The following SLC26A11 variants were observed in gnomAD, a reference collection of about 807,000 sequenced individuals.
SLC26A11 encodes sodium-independent sulfate anion transporter.
A neutral mutation model predicts 62.2 loss-of-function variants in SLC26A11; 58 were observed. The ratio of observed to expected loss-of-function variants is 0.93; its 90% CI spans 0.76 to 1.16. SLC26A11 has a LOEUF of 1.16. Ranked by LOEUF, SLC26A11 falls within the 50% of genes most tolerant of loss-of-function variation. SLC26A11 has a pLI of 0.00. For missense variants in SLC26A11, 790 were observed against 794.3 expected, an observed-to-expected ratio of 0.99 and a Z score of 0.06; for synonymous variants, 411 against 368.9, an observed-to-expected ratio of 1.11 and a Z score of -1.31.
chr17:80,247,480 T>A (rs1344710852), intron 13 of SLC26A11, among the ~76,000 whole-genome samples: 1 of 152,202 alleles, frequency 6.6e-6, no homozygotes, highest in Non-Finnish European at 1.5e-5. Context: ...ACACATTTTG[T>A]TTTGTTTGTG....
rs372051284 is a variant in SLC26A11, at chr17:80,248,547, C to T, written c.1423-28C>T. ...CTGGTGGAGGCCACCCGGTCAGACC[C>T]GCCTCCAGGACTCACTCCTCCCCAC... On this transcript the variant is annotated intron_variant, in intron 14 of 17. Transcript: ENST00000361193. 24 of 1,547,866 alleles carry T rather than the reference C, an allele frequency of 1.6e-5. No individual in the cohort carries two copies. The African/African-American group carries it at 1.8e-4, about 11-fold the overall frequency.
chr17:80,250,980 T>C (rs2043140723), intron 16 of SLC26A11, among the ~76,000 whole-genome samples: 5 of 150,602 alleles, frequency 3.3e-5, no homozygotes, highest in Admixed American at 2.6e-4. Flanking sequence ...ATCAAAAAAA[T>C]AGGAAAAAAT....
intron 5 of SLC26A11, among the ~76,000 whole-genome samples, chr17:80,224,852 G>T (rs2042361829): frequency 6.6e-6 from 1 of 151,992 alleles, no homozygotes; most frequent in African/African-American, 2.4e-5. Context: ...GCAGCCATCT[G>T]GGGGGAGGGG....
Position 80,252,487 on chromosome 17 carries a change from A to C in SLC26A11, c.1730-138A>C, listed in dbSNP as rs74000684. ...GTGAGACCCTCATGGAGTTAGTGAC[A>C]CTGGCCTGGGTGGCCCACAGCTCCT... On this transcript the variant is annotated intron_variant, in intron 17 of 17. Coordinates refer to ENST00000361193, the MANE Select transcript of SLC26A11 (RefSeq NM_001166347.2). The surrounding 1 kb of genome is among the most constrained non-coding windows in gnomAD (Gnocchi z 5.2). The C allele has an allele frequency of 9.3e-6, 6 of 646,068 alleles. No homozygotes were observed. The highest frequency in any genetic ancestry group is 6.1e-5 in the Admixed American group (2 of 32,622). 40.0% of individuals were successfully genotyped at this position (646,068 alleles called of 1,614,324 possible).
intron 10 of SLC26A11, among the ~76,000 whole-genome samples, chr17:80,243,183 A>G (rs557129666): frequency 3.3e-5 from 5 of 152,246 alleles, no homozygotes; most frequent in Admixed American, 2.6e-4. Context: ...CTTGACAGCA[A>G]AGTGAGTGAC....
intron 11 of SLC26A11, 192 bp downstream of exon 11, chr17:80,245,448 G>A: frequency 3.4e-6 from 2 of 589,292 alleles, no homozygotes; most frequent in Non-Finnish European, 6.1e-6. Flanking sequence ...AGATCGTCCT[G>A]CAGTTTCATA....
Position 80,246,292 on chromosome 17 carries a change from G to T in SLC26A11, c.1153+83G>T. On this transcript the variant is annotated intron_variant, in intron 12 of 17. Coordinates refer to ENST00000361193, the MANE Select transcript of SLC26A11 (RefSeq NM_001166347.2). This position sits in a 1 kb window ranked among gnomAD's most constrained non-coding sequence, Gnocchi z 4.4. ...AGGGGGCCCACAGAGACGTCCCTTT[G>T]GCTCATGGGCCGTGCGCCCCGGGAC... The T allele has an allele frequency of 6.6e-7, 1 of 1,522,378 alleles. No individual in the cohort carries two copies. Among genetic ancestry groups the T allele is most frequent in the South Asian group, 1.2e-5 (1 of 80,612 alleles). 94.3% of individuals were successfully genotyped at this position (1,522,378 alleles called of 1,614,324 possible).
In SLC26A11 at chr17:80,222,268, T is replaced by C; in HGVS notation, c.235-387T>C. 5.2e-6 allele frequency: 1 copy of C among 191,132 alleles called. No individual in the cohort carries two copies. Among genetic ancestry groups the C allele is most frequent in the South Asian group, 1.4e-4 (1 of 7,138 alleles). 11.8% of individuals were successfully genotyped at this position (191,132 alleles called of 1,614,324 possible). A position where few individuals can be genotyped will look rare whatever the true frequency, so the allele number is the denominator to read the frequency against. On this transcript the variant is annotated intron_variant, in intron 3 of 17. Coordinates refer to ENST00000361193, the MANE Select transcript of SLC26A11 (RefSeq NM_001166347.2). This position sits in a 1 kb window ranked among gnomAD's most constrained non-coding sequence, Gnocchi z 4.7. ...GCGGGTGCCTGTAGTCCCAGCTACC[T>C]GGGAGGCTGAGGCAGGAGAATGGCG...
At chr17:80,247,075 ATTTTTATTTT>A (rs1479034957) in intron 13 of SLC26A11, among the ~76,000 whole-genome samples, 1 of 146,974 alleles carries the variant, frequency 6.8e-6, no homozygotes, top group Non-Finnish European at 1.5e-5. Context: ...TTTTATTATT[ATTTTTATTTT>A]TTTTTATTGA....
intron 10 of SLC26A11, among the ~76,000 whole-genome samples, chr17:80,243,957 G>A (rs2144959468): frequency 1.3e-5 from 2 of 152,324 alleles, no homozygotes; most frequent in Middle Eastern, 6.8e-3. Flanking sequence ...TGTAGAATGA[G>A]GATGATCCCC....
intron 9 of SLC26A11, among the ~76,000 whole-genome samples, 156 bp downstream of exon 9, chr17:80,237,750 T>C (rs1374141340): frequency 6.6e-6 from 1 of 152,276 alleles, no homozygotes; most frequent in Non-Finnish European, 1.5e-5. Context: ...GTATTGTGTA[T>C]ATATGATAAA....
At position 80,245,885 on chromosome 17, in the gene SLC26A11, C is replaced by T. The variant is rs976880643; in HGVS notation, c.1098-269C>T. The stretch of plus-strand genomic sequence containing the variant: ...CCCTTGCCCTGCTGGGTATGGGGGC[C>T]CCACCTGGATGGGGGCAGGAGACAG... On this transcript the variant is annotated intron_variant, in intron 11 of 17. Coordinates refer to ENST00000361193, the MANE Select transcript of SLC26A11 (RefSeq NM_001166347.2). 5.3e-5 allele frequency among the ~76,000 whole-genome samples: 8 copies of T among 152,178 alleles called. No individual in the cohort carries two copies. The East Asian group carries it at 1.5e-3, about 29-fold the overall frequency.
Position 80,227,581 on chromosome 17 carries a change from C to G in SLC26A11, c.594-237C>G, listed in dbSNP as rs149121606. On this transcript the variant is annotated intron_variant, in intron 6 of 17. Coordinates refer to ENST00000361193, the MANE Select transcript of SLC26A11 (RefSeq NM_001166347.2). ...CATCTCAGCCTAGTCTGTGTTTGGT[C>G]TTGCAGAGTAGCTTGCTAAAGTTCC... Among the ~76,000 whole-genome samples the G allele has an allele frequency of 3.3e-5, 5 of 152,376 alleles. No homozygotes were observed. In the East Asian group the frequency reaches 5.8e-4, roughly 18 times the overall value.
At position 80,228,293 on chromosome 17, in the gene SLC26A11, C is replaced by T. The variant is rs1011965023; in HGVS notation, c.736+333C>T. On this transcript the variant is annotated intron_variant, in intron 7 of 17. Coordinates refer to ENST00000361193, the MANE Select transcript of SLC26A11 (RefSeq NM_001166347.2). This position sits in a 1 kb window ranked among gnomAD's most constrained non-coding sequence, Gnocchi z 4.1. The stretch of plus-strand genomic sequence containing the variant: ...GATTACAGGCGCATGCCACCACGCT[C>T]GACTGATTTTTGTATTTATAGTAGA... 2.6e-5 allele frequency among the ~76,000 whole-genome samples: 4 copies of T among 152,154 alleles called. No individual in the cohort carries two copies. The highest frequency in any genetic ancestry group is 2.1e-4 in the South Asian group (1 of 4,816).
At chr17:80,236,065 G>A (rs1394795529) in intron 7 of SLC26A11, among the ~76,000 whole-genome samples, 1 of 152,132 alleles carries the variant, frequency 6.6e-6, no homozygotes. Flanking sequence ...GCCAACCCCA[G>A]GCCTTGGGCT....
Position 80,223,790 on chromosome 17 carries a change from A to AT in SLC26A11, c.513+459dup, listed in dbSNP as rs1170972605. Reference sequence around the variant, plus strand: ...CTTTTTTTTCTGGTTTCTGTTTAATATTTTTTAAATGCCATGCCTTTTATA... The same window carrying AT: ...CTTTTTTTTCTGGTTTCTGTTTAATATTTTTTTAAATGCCATGCCTTTTATA... On this transcript the variant is annotated intron_variant, in intron 5 of 17. Coordinates refer to ENST00000361193, the MANE Select transcript of SLC26A11 (RefSeq NM_001166347.2). The surrounding 1 kb of genome is among the most constrained non-coding windows in gnomAD (Gnocchi z 4.6). Among the ~76,000 whole-genome samples the AT allele has an allele frequency of 5.3e-5, 8 of 152,124 alleles. No individual in the cohort carries two copies.
chr17:80,249,328 G>C (rs34002850), intron 16 of SLC26A11, 41 bp downstream of exon 16: 4 of 1,600,804 alleles, frequency 2.5e-6, no homozygotes, highest in Admixed American at 1.7e-5. Flanking sequence ...AGCAGCTGCC[G>C]GAAGGCCTTC....
chr17:80,246,273 C>T lies in SLC26A11; in HGVS notation c.1153+64C>T. 2 of 1,555,270 alleles carry T rather than the reference C, an allele frequency of 1.3e-6. No individual in the cohort carries two copies. Among genetic ancestry groups the T allele is most frequent in the Non-Finnish European group, 1.7e-6 (2 of 1,148,096 alleles). On this transcript the variant is annotated intron_variant, in intron 12 of 17. Transcript: ENST00000361193. This position sits in a 1 kb window ranked among gnomAD's most constrained non-coding sequence, Gnocchi z 4.4. ...AGAGTGGGAGAAAGGGAGGAGGGGG[C>T]CCACAGAGACGTCCCTTTGGCTCAT...
At position 80,220,966 on chromosome 17, in the gene SLC26A11, G is replaced by A. The variant is rs940397007; in HGVS notation, c.-163G>A. The A allele has an allele frequency of 3.3e-5, 5 of 150,644 alleles. No homozygotes were observed. The highest frequency in any genetic ancestry group is 1.2e-4 in the African/African-American group (5 of 40,876). The allele number at this position is 150,644 out of a possible 1,614,324, so 9.3% of individuals were successfully genotyped here. On this transcript the variant is annotated 5_prime_UTR_variant, in exon 2 of 18. Coordinates refer to ENST00000361193, the MANE Select transcript of SLC26A11 (RefSeq NM_001166347.2). ...AAAGCCACAGGTGGGGGCTGAGCGAGGCGTGGCCTCAGGAGCGGAGGACCC... is the reference window on the plus strand; with the variant it reads ...AAAGCCACAGGTGGGGGCTGAGCGAAGCGTGGCCTCAGGAGCGGAGGACCC...
Sources: allele counts gnomAD v4.1 joint callset (sites outside exome capture counted in the v4.1 genomes callset), GRCh38; gene constraint gnomAD v4.1.1; non-coding constraint Gnocchi (gnomAD v3.1); transcripts MANE v1.5; gene names NCBI Gene and HGNC (gene_info 2026-07-23, HGNC 2026-07-21).